Variants in LCE3E observed in about 807,000 individuals in gnomAD.
The protein encoded by LCE3E is late cornified envelope protein 3E.
For missense variants in LCE3E, 133 were observed against 120.0 expected (o/e 1.11, Z -0.51); for synonymous variants, 40 against 47.0 (o/e 0.85, Z 0.61).
At chr1:152,566,406 T>A (rs547164969) in intron 1 of LCE3E, among the ~76,000 whole-genome samples, 177 bp from the exon 2 acceptor site, 1 of 152,104 alleles carries the variant, frequency 6.6e-6, no homozygotes. Flanking sequence ...TGAGTCTAAG[T>A]GGGCACGTGT....
chr1:152,566,382 G>C (rs1056641041), intron 1 of LCE3E, among the ~76,000 whole-genome samples, 153 bp from the exon 2 acceptor site: 1 of 151,996 alleles, frequency 6.6e-6, no homozygotes. Flanking sequence ...CTCTCCACCC[G>C]GGACAGATTG....
In LCE3E at chr1:152,565,977, G is replaced by C. The variant is rs752108425; in HGVS notation, c.232C>G (p.Gln78Glu). The C allele has an allele frequency of 1.2e-6, 2 of 1,613,816 alleles. No individual in the cohort carries two copies. Among genetic ancestry groups the C allele is most frequent in the Non-Finnish European group, 1.7e-6 (2 of 1,180,032 alleles). The change falls in exon 2 of 2, where the codon CAA (glutamine) becomes GAA (glutamate). Residue 78 changes from glutamine (Q) to glutamate (E), a missense_variant. Transcript: ENST00000368789. ...TGGCAGCAGCCAGAGCCCCCGCCTT[G>C]CTGACCACTGCCCCTGTCACAGGAG... is the stretch of plus-strand genomic sequence containing the variant. ...SNSCDRGSGQ[Q>E]GGGSGCCHGS...
rs41267616 is a variant in LCE3E at position 152,566,058 on chromosome 1, C to T, written c.151G>A (p.Gly51Ser). Residue 51 changes from glycine to serine, a missense_variant, in exon 2 of 2, where the codon GGC becomes AGC. By Grantham distance (56) the Gly-to-Ser change is moderately conservative. Transcript: ENST00000368789. ...SGGCGPSSEG[G>S]CFLNHHRRHH... ...CGCCTGTGGTGGTTCAGGAAGCAGC[C>T]GCCCTCGGAGCTAGGGCCACAGCCC... The T allele has an allele frequency of 1.3e-4, 211 of 1,613,740 alleles. No homozygotes were observed. Among genetic ancestry groups the T allele is most frequent in the Middle Eastern group, 1.7e-4 (1 of 6,060 alleles).
In LCE3E at chr1:152,565,969, C is replaced by A; in HGVS notation, c.240G>T (p.Gly80=). The change falls in exon 2 of 2, where the codon GGG becomes GGT. Residue 80 remains glycine, a synonymous_variant. Transcript: ENST00000368789. ...SCDRGSGQQG[G]GSGCCHGSGG... ...CAGAACCGTGGCAGCAGCCAGAGCCCCCGCCTTGCTGACCACTGCCCCTGT... is the reference window on the plus strand; with the variant it reads ...CAGAACCGTGGCAGCAGCCAGAGCCACCGCCTTGCTGACCACTGCCCCTGT... The A allele has an allele frequency of 4.3e-6, 7 of 1,613,774 alleles. No homozygotes were observed. The highest frequency in any genetic ancestry group is 5.9e-6 in the Non-Finnish European group (7 of 1,180,000).
At position 152,566,153 on chromosome 1, in the gene LCE3E, G is replaced by T; in HGVS notation, c.56C>A (p.Pro19His). The change falls in exon 2 of 2, where the codon CCC becomes CAC. Residue 19 changes from proline (P) to histidine (H), a missense_variant. Pro to His is a moderately conservative substitution (Grantham distance 77). Coordinates refer to ENST00000368789, the MANE Select transcript of LCE3E (RefSeq NM_178435.4). Reference protein sequence around the residue: ...QCQPPPKCPSPKCPPKNPVQC... With the variant: ...QCQPPPKCPSHKCPPKNPVQC... ...TACTGGGTTCTTTGGGGGACACTTG[G>T]GTGAGGGGCACTTGGGTGGGGGTTG... 3.1e-6 allele frequency: 5 copies of T among 1,613,852 alleles called. No individual in the cohort carries two copies. The highest frequency in any genetic ancestry group is 4.2e-6 in the Non-Finnish European group (5 of 1,180,030).
intron 1 of LCE3E, 108 bp downstream of exon 1, chr1:152,566,630 G>C: frequency 4.8e-6 from 1 of 209,118 alleles, no homozygotes; most frequent in Non-Finnish European, 9.6e-6. Flanking sequence ...TCACAGTCCT[G>C]TATCTGGGTC....
intron 1 of LCE3E, among the ~76,000 whole-genome samples, 158 bp from the exon 2 acceptor site, chr1:152,566,387 A>T (rs1571029218): frequency 1.3e-5 from 2 of 152,042 alleles, no homozygotes; most frequent in South Asian, 2.1e-4. Context: ...CACCCGGGAC[A>T]GATTGCTGTG....
Position 152,566,127 on chromosome 1 carries a change from G to T in LCE3E, c.82C>A (p.Gln28Lys), listed in dbSNP as rs780821325. The change falls in exon 2 of 2, where the codon CAG (glutamine) becomes AAG (lysine). Residue 28 changes from glutamine (Q) to lysine (K), a missense_variant. Transcript: ENST00000368789. Reference sequence around the variant, plus strand: ...CCAGAGGAAGCTGGAGGCAGACACTGTACTGGGTTCTTTGGGGGACACTTG... The same window carrying T: ...CCAGAGGAAGCTGGAGGCAGACACTTTACTGGGTTCTTTGGGGGACACTTG... ...SPKCPPKNPVQCLPPASSGCA... is the reference protein window; with the variant it reads ...SPKCPPKNPVKCLPPASSGCA... The T allele has an allele frequency of 6.2e-7, 1 of 1,613,782 alleles. No individual in the cohort carries two copies. Among genetic ancestry groups the T allele is most frequent in the Non-Finnish European group, 8.5e-7 (1 of 1,180,052 alleles).
Position 152,566,198 on chromosome 1 carries a change from T to C in LCE3E, c.11A>G (p.Gln4Arg). ...GGGTTGGCACTGCTTCTGGTTCTGC[T>C]GGCAGGACATCTTGGCAGGAGTTGA... Reference protein sequence around the residue: MSCQQNQKQCQPPP... With the variant: MSCRQNQKQCQPPP... Residue 4 changes from glutamine to arginine, a missense_variant, in exon 2 of 2, where the codon CAG becomes CGG. Gln to Arg is a conservative substitution (Grantham distance 43). Coordinates refer to ENST00000368789, the MANE Select transcript of LCE3E (RefSeq NM_178435.4). 3 of 1,613,800 alleles carry C rather than the reference T, an allele frequency of 1.9e-6. No individual in the cohort carries two copies. Among genetic ancestry groups the C allele is most frequent in the Non-Finnish European group, 2.5e-6 (3 of 1,180,030 alleles).
chr1:152,566,038 G>T lies in LCE3E; in HGVS notation c.171C>A (p.His57Gln). 1.2e-6 allele frequency: 2 copies of T among 1,613,786 alleles called. No homozygotes were observed. Among genetic ancestry groups the T allele is most frequent in the Non-Finnish European group, 1.7e-6 (2 of 1,180,040 alleles). ...SSEGGCFLNHHRRHHRCRRQR... is the reference protein window; with the variant it reads ...SSEGGCFLNHQRRHHRCRRQR... Reference sequence around the variant, plus strand: ...GGCGCCGGCATCGGTGGTGGCGCCTGTGGTGGTTCAGGAAGCAGCCGCCCT... The same window carrying T: ...GGCGCCGGCATCGGTGGTGGCGCCTTTGGTGGTTCAGGAAGCAGCCGCCCT... The change falls in exon 2 of 2, where the codon CAC becomes CAA. Residue 57 changes from histidine (H) to glutamine (Q), a missense_variant. Coordinates refer to ENST00000368789, the MANE Select transcript of LCE3E (RefSeq NM_178435.4).
rs1212850832 is a variant in LCE3E at position 152,565,918 on chromosome 1, T to C, written c.*12A>G. ...CCTCCAAAGATCGCTTGTCTCAGCA[T>C]CAGGATCTGGATCAGCAGCAGCCCC... On this transcript the variant is annotated 3_prime_UTR_variant, in exon 2 of 2. Coordinates refer to ENST00000368789, the MANE Select transcript of LCE3E (RefSeq NM_178435.4). 6.2e-7 allele frequency: 1 copy of C among 1,611,752 alleles called. No individual in the cohort carries two copies. Among genetic ancestry groups the C allele is most frequent in the Non-Finnish European group, 8.5e-7 (1 of 1,179,114 alleles).
intron 1 of LCE3E, among the ~76,000 whole-genome samples, 199 bp downstream of exon 1, chr1:152,566,539 T>A (rs988272100): frequency 6.6e-6 from 1 of 151,996 alleles, no homozygotes; most frequent in African/African-American, 2.4e-5. Context: ...AATTGTGAGC[T>A]CTGTGGCCTT....
At position 152,565,872 on chromosome 1, in the gene LCE3E, G is replaced by A. The variant is rs1659910154; in HGVS notation, c.*58C>T. The A allele has an allele frequency of 1.3e-6, 2 of 1,590,908 alleles. No homozygotes were observed. Among genetic ancestry groups the A allele is most frequent in the Non-Finnish European group, 1.7e-6 (2 of 1,168,708 alleles). Reference sequence around the variant, plus strand: ...GCATGCGTCAGATGGGGCTGTTCTTGGCCTCTTGGGATTCTTGTTTCCTCC... The same window carrying A: ...GCATGCGTCAGATGGGGCTGTTCTTAGCCTCTTGGGATTCTTGTTTCCTCC... On this transcript the variant is annotated 3_prime_UTR_variant, in exon 2 of 2. Coordinates refer to ENST00000368789, the MANE Select transcript of LCE3E (RefSeq NM_178435.4).
rs147427073 is a variant in LCE3E at position 152,565,732 on chromosome 1, G to C, written c.*198C>G. 435 of 723,934 alleles carry C rather than the reference G, an allele frequency of 6.0e-4. 3 individuals are homozygous for C. In the African/African-American group the frequency reaches 6.5e-3, roughly 11 times the overall value. 44.8% of individuals were successfully genotyped at this position (723,934 alleles called of 1,614,324 possible). On this transcript the variant is annotated 3_prime_UTR_variant, in exon 2 of 2. Transcript: ENST00000368789. ...AATCCTTGGCAGGTACAGGGGTAGG[G>C]GGACATATGACATCCTGTACATAAA... is the stretch of plus-strand genomic sequence containing the variant.
chr1:152,566,190 G>T lies in LCE3E; in HGVS notation c.19C>A (p.Gln7Lys), dbSNP rs1422358563. The change falls in exon 2 of 2, where the codon CAG (glutamine) becomes AAG (lysine). Residue 7 changes from glutamine to lysine, a missense_variant. Gln to Lys is a moderately conservative substitution (Grantham distance 53). Coordinates refer to ENST00000368789, the MANE Select transcript of LCE3E (RefSeq NM_178435.4). Reference protein sequence around the residue: MSCQQNQKQCQPPPKCP... With the variant: MSCQQNKKQCQPPPKCP... Reference sequence around the variant, plus strand: ...TTGGGTGGGGGTTGGCACTGCTTCTGGTTCTGCTGGCAGGACATCTTGGCA... The same window carrying T: ...TTGGGTGGGGGTTGGCACTGCTTCTTGTTCTGCTGGCAGGACATCTTGGCA... The T allele has an allele frequency of 6.2e-7, 1 of 1,613,820 alleles. No homozygotes were observed. The highest frequency in any genetic ancestry group is 8.5e-7 in the Non-Finnish European group (1 of 1,180,032).
Position 152,566,072 on chromosome 1 carries a change from G to A in LCE3E, c.137C>T (p.Pro46Leu). 1 of 1,613,824 alleles carries A rather than the reference G, an allele frequency of 6.2e-7. No individual in the cohort carries two copies. Among genetic ancestry groups the A allele is most frequent in the African/African-American group, 1.3e-5 (1 of 75,018 alleles). The change falls in exon 2 of 2, where the codon CCT becomes CTT. Residue 46 changes from proline to leucine, a missense_variant. Pro to Leu is a moderately conservative substitution (Grantham distance 98). Coordinates refer to ENST00000368789, the MANE Select transcript of LCE3E (RefSeq NM_178435.4). ...CAGGAAGCAGCCGCCCTCGGAGCTA[G>A]GGCCACAGCCCCCAGAGCTTGGGGC... ...GCAPSSGGCG[P>L]SSEGGCFLNH...
Position 152,566,235 on chromosome 1 carries a change from G to T in LCE3E, c.-21-6C>A. On this transcript the variant is annotated splice_polypyrimidine_tract_variant and splice_region_variant and intron_variant, in intron 1 of 1. Coordinates refer to ENST00000368789, the MANE Select transcript of LCE3E (RefSeq NM_178435.4). ...TTGGCAGGAGTTGAGATGTCCTGGA[G>T]AAAACGAAGCCACTTCTTAGTTCAA... The T allele has an allele frequency of 6.2e-7, 1 of 1,611,754 alleles. No individual in the cohort carries two copies. Among genetic ancestry groups the T allele is most frequent in the Non-Finnish European group, 8.5e-7 (1 of 1,179,350 alleles).
intron 1 of LCE3E, 37 bp from the exon 2 acceptor site, chr1:152,566,266 A>G: frequency 3.1e-6 from 5 of 1,593,588 alleles, no homozygotes; most frequent in Non-Finnish European, 4.3e-6. Context: ...TTCAAAATCT[A>G]CAGTCCAACG....
Position 152,566,015 on chromosome 1 carries a change from C to T in LCE3E, c.194G>A (p.Arg65His), listed in dbSNP as rs775407642. 36 of 1,613,670 alleles carry T rather than the reference C, an allele frequency of 2.2e-5. No individual in the cohort carries two copies. Among genetic ancestry groups the T allele is most frequent in the African/African-American group, 1.1e-4 (8 of 74,894 alleles). The stretch of plus-strand genomic sequence containing the variant: ...CCTGTCACAGGAGTTGGACCTCTGG[C>T]GCCGGCATCGGTGGTGGCGCCTGTG... ...NHHRRHHRCR[R>H]QRSNSCDRGS... Residue 65 changes from arginine to histidine, a missense_variant, in exon 2 of 2, where the codon CGC becomes CAC. Arg to His is a conservative substitution (Grantham distance 29). Coordinates refer to ENST00000368789, the MANE Select transcript of LCE3E (RefSeq NM_178435.4).
Sources: allele counts gnomAD v4.1 joint callset (sites outside exome capture counted in the v4.1 genomes callset), GRCh38; gene constraint gnomAD v4.1.1; transcripts MANE v1.5; gene names NCBI Gene and HGNC (gene_info 2026-07-23, HGNC 2026-07-21).